The following COMMD10 variants were observed in gnomAD, a reference collection of about 807,000 sequenced individuals.
The protein encoded by COMMD10 is COMM domain-containing protein 10.
In COMMD10, 33 loss-of-function variants were observed where a neutral mutation model predicts 28.9. The observed-to-expected ratio is 1.14, with a 90% CI of 0.87 to 1.53. The LOEUF is 1.53. COMMD10 is among the 40% of genes most tolerant of loss of function. The pLI, the probability that COMMD10 is intolerant of heterozygous loss-of-function variation, is 0.00. For missense variants in COMMD10, 310 were observed against 233.4 expected (o/e 1.33, Z -2.14); for synonymous variants, 110 against 81.7 (o/e 1.35, Z -1.87).
At chr5:116,160,545 C>T (rs1033686720) in intron 5 of COMMD10, among the ~76,000 whole-genome samples, 8 of 152,178 alleles carry the variant, frequency 5.3e-5, no homozygotes, top group African/African-American at 1.9e-4. Context: ...GATTTATACT[C>T]TTTAACAGCT....
At chr5:116,229,538 T>A (rs1332047662) in intron 5 of COMMD10, among the ~76,000 whole-genome samples, 2 of 152,008 alleles carry the variant, frequency 1.3e-5, no homozygotes, top group Non-Finnish European at 2.9e-5. Flanking sequence ...AGCAAGCAAT[T>A]ATTGAGCAGT....
At chr5:116,248,130 A>C (rs1181902063) in intron 5 of COMMD10, among the ~76,000 whole-genome samples, 1 of 127,100 alleles carries the variant, frequency 7.9e-6, no homozygotes, top group African/African-American at 3.3e-5. Flanking sequence ...TATTGTGCTA[A>C]GCCAAAAAAA....
intron 5 of COMMD10, among the ~76,000 whole-genome samples, chr5:116,143,852 G>A (rs1046427221): frequency 2.0e-5 from 3 of 151,856 alleles, no homozygotes; most frequent in Admixed American, 6.6e-5. Flanking sequence ...ATATAGGCAG[G>A]TTTTATTTTC....
chr5:116,228,143 A>AT (rs1272070834), intron 5 of COMMD10, among the ~76,000 whole-genome samples: 1 of 152,014 alleles, frequency 6.6e-6, no homozygotes, highest in Non-Finnish European at 1.5e-5. Context: ...CTTTCTTTAA[A>AT]TTAGAAAAAA....
chr5:116,146,974 A>G (rs1752370710), intron 5 of COMMD10, among the ~76,000 whole-genome samples: 1 of 151,922 alleles, frequency 6.6e-6, no homozygotes, highest in South Asian at 2.1e-4. Flanking sequence ...ATATTTTAAA[A>G]AACTAAAATG....
At chr5:116,089,162 G>T (rs1243954698) in intron 2 of COMMD10, among the ~76,000 whole-genome samples, 1 of 152,174 alleles carries the variant, frequency 6.6e-6, no homozygotes, top group African/African-American at 2.4e-5. Flanking sequence ...TTTGACTGTT[G>T]TGGTGCTAAT....
intron 5 of COMMD10, among the ~76,000 whole-genome samples, chr5:116,189,738 A>G (rs1261420453): frequency 4.0e-5 from 6 of 151,756 alleles, no homozygotes; most frequent in Non-Finnish European, 1.5e-5. Context: ...AAATAAGTTT[A>G]TTTAAGTCAT....
At chr5:116,199,080 G>A (rs1473672924) in intron 5 of COMMD10, among the ~76,000 whole-genome samples, 1 of 152,134 alleles carries the variant, frequency 6.6e-6, no homozygotes, top group East Asian at 1.9e-4. Flanking sequence ...CACTAACAAT[G>A]AAATGAGGGT....
chr5:116,109,059 G>C (rs189663487), intron 4 of COMMD10, among the ~76,000 whole-genome samples: 29 of 152,244 alleles, frequency 1.9e-4, no homozygotes, highest in African/African-American at 6.3e-4. Context: ...AGATGAACTG[G>C]GTACCTCAGT....
intron 5 of COMMD10, among the ~76,000 whole-genome samples, chr5:116,265,830 T>C (rs1427375894): frequency 2.6e-5 from 4 of 151,778 alleles, no homozygotes; most frequent in Admixed American, 1.3e-4. Context: ...ACACATGCAG[T>C]TCGACACCAG....
intron 5 of COMMD10, among the ~76,000 whole-genome samples, chr5:116,247,643 G>A (rs1454923365): frequency 1.3e-5 from 2 of 152,018 alleles, no homozygotes; most frequent in Non-Finnish European, 2.9e-5. Context: ...AAAAAAGAAC[G>A]AGATCATATC....
chr5:116,141,033 G>C (rs1561626194), intron 5 of COMMD10, among the ~76,000 whole-genome samples: 2 of 151,668 alleles, frequency 1.3e-5, no homozygotes, highest in African/African-American at 4.8e-5. Flanking sequence ...CTTTTTCTCT[G>C]TGCTTTCTTC....
At chr5:116,227,982 A>T (rs575974223) in intron 5 of COMMD10, among the ~76,000 whole-genome samples, 2 of 152,196 alleles carry the variant, frequency 1.3e-5, no homozygotes, top group East Asian at 3.9e-4. Flanking sequence ...AGAGAATAAA[A>T]TGTCATCAGA....
chr5:116,228,533 TAATA>T (rs1167139555), intron 5 of COMMD10, among the ~76,000 whole-genome samples: 1 of 151,928 alleles, frequency 6.6e-6, no homozygotes, highest in East Asian at 1.9e-4. Flanking sequence ...TTGCTTTAAT[TAATA>T]GTTTTGACAA....
At chr5:116,112,537 T>C (rs1751081254) in intron 4 of COMMD10, among the ~76,000 whole-genome samples, 1 of 152,006 alleles carries the variant, frequency 6.6e-6, no homozygotes, top group Non-Finnish European at 1.5e-5. Context: ...GCTGTGACTG[T>C]ATATAGGTGC....
intron 5 of COMMD10, among the ~76,000 whole-genome samples, chr5:116,143,617 A>C (rs190868259): frequency 6.6e-6 from 1 of 151,948 alleles, no homozygotes; most frequent in East Asian, 1.9e-4. Context: ...AAGTACCTTT[A>C]AATTTCATTA....
intron 5 of COMMD10, among the ~76,000 whole-genome samples, chr5:116,204,152 C>T (rs1248067672): frequency 6.6e-6 from 1 of 152,056 alleles, no homozygotes; most frequent in Non-Finnish European, 1.5e-5. Context: ...AAGGCCATTA[C>T]ATCATGGTAA....
At chr5:116,248,444 T>G (rs1750019553) in intron 5 of COMMD10, among the ~76,000 whole-genome samples, 1 of 151,934 alleles carries the variant, frequency 6.6e-6, no homozygotes, top group African/African-American at 2.4e-5. Context: ...CAACAAAGAC[T>G]CCGGAAAGGT....
intron 5 of COMMD10, among the ~76,000 whole-genome samples, chr5:116,262,391 A>T (rs1457801982): frequency 6.6e-6 from 1 of 151,744 alleles, no homozygotes; most frequent in Non-Finnish European, 1.5e-5. Context: ...TAATGGCTCA[A>T]AGTTAGACCT....
Sources: gnomAD v4.1 joint callset for allele counts (sites outside exome capture counted in the v4.1 genomes callset) on GRCh38, gnomAD v4.1.1 for gene constraint, MANE v1.5 for transcripts, NCBI Gene and HGNC (gene_info 2026-07-23, HGNC 2026-07-21) for gene names.